Variants in FBXL17 observed in about 807,000 individuals in gnomAD.
FBXL17 encodes F-box and leucine rich repeat protein 17.
Under a neutral mutation model 66.2 loss-of-function variants are expected in FBXL17, and 22 were observed. The observed-to-expected ratio is 0.33, with a 90% CI of 0.24 to 0.47. The LOEUF is 0.47. Among genes scored for constraint, FBXL17 ranks in the 20% least tolerant of loss-of-function variants. FBXL17 has a pLI of 1.00. For synonymous variants in FBXL17, 474 were observed against 400.5 expected (o/e 1.18, Z -2.19); for missense variants, 878 against 948.2 (o/e 0.93, Z 0.97).
intron 6 of FBXL17, among the ~76,000 whole-genome samples, chr5:108,105,398 C>T (rs978742113): frequency 5.9e-5 from 9 of 152,134 alleles, no homozygotes; most frequent in Non-Finnish European, 1.0e-4. Context: ...GGCAAAACTG[C>T]GGCAGAAAAG....
intron 6 of FBXL17, among the ~76,000 whole-genome samples, chr5:108,155,243 G>T (rs554436208): frequency 6.6e-6 from 1 of 152,092 alleles, no homozygotes; most frequent in Non-Finnish European, 1.5e-5. Flanking sequence ...TAGGCTGGGC[G>T]CGGTGCCTCA....
intron 3 of FBXL17, among the ~76,000 whole-genome samples, chr5:108,351,561 T>C (rs934914648): frequency 6.6e-6 from 1 of 152,216 alleles, no homozygotes; most frequent in African/African-American, 2.4e-5. Context: ...GCCACTCTGC[T>C]GGTCAGCCTA....
At chr5:108,347,890 G>A (rs1324951703) in intron 4 of FBXL17, among the ~76,000 whole-genome samples, 1 of 152,052 alleles carries the variant, frequency 6.6e-6, no homozygotes, top group East Asian at 1.9e-4. Context: ...AAATGTGTCT[G>A]CATTACCCAT....
At chr5:108,344,082 A>G (rs1747083195) in intron 4 of FBXL17, among the ~76,000 whole-genome samples, 2 of 152,208 alleles carry the variant, frequency 1.3e-5, no homozygotes, top group South Asian at 4.1e-4. Context: ...AAGTCACATG[A>G]GTAAGAAACA....
At chr5:108,028,359 G>A (rs73206544) in intron 6 of FBXL17, among the ~76,000 whole-genome samples, 2,687 of 152,174 alleles carry the variant, frequency 0.018, 95 homozygotes, top group African/African-American at 0.061. Flanking sequence ...TCTCTGCCCA[G>A]CCTGTTCCCT....
intron 4 of FBXL17, among the ~76,000 whole-genome samples, chr5:108,240,011 C>T (rs948776227): frequency 5.3e-5 from 8 of 152,042 alleles, no homozygotes; most frequent in Non-Finnish European, 1.0e-4. Flanking sequence ...AAGGATTCAT[C>T]ATCTGCTGAC....
chr5:108,102,532 C>A (rs879426011), intron 6 of FBXL17, among the ~76,000 whole-genome samples: 3 of 152,108 alleles, frequency 2.0e-5, no homozygotes, highest in Admixed American at 2.0e-4. Context: ...ATAATGCCTA[C>A]ATTATTGCAT....
chr5:108,062,545 A>G (rs1747963538), intron 6 of FBXL17, among the ~76,000 whole-genome samples: 1 of 152,146 alleles, frequency 6.6e-6, no homozygotes, highest in South Asian at 2.1e-4. Context: ...AATAATCACC[A>G]ACAATTGTAG....
At chr5:108,132,214 A>G (rs286803) in intron 6 of FBXL17, among the ~76,000 whole-genome samples, 102,438 of 152,024 alleles carry the variant, frequency 0.67, 35,557 homozygotes, top group East Asian at 0.92. Flanking sequence ...GACCTCAGGT[A>G]ATCCGCCCGC....
chr5:108,012,495 C>T (rs1475561720), intron 7 of FBXL17, among the ~76,000 whole-genome samples: 1 of 152,004 alleles, frequency 6.6e-6, no homozygotes, highest in Non-Finnish European at 1.5e-5. Flanking sequence ...TGCAGATTAA[C>T]AAATATGGCT....
intron 6 of FBXL17, among the ~76,000 whole-genome samples, chr5:108,144,257 G>A (rs1035249278): frequency 6.6e-6 from 1 of 152,124 alleles, no homozygotes; most frequent in Non-Finnish European, 1.5e-5. Flanking sequence ...TGCTATTAGG[G>A]AAAGTGATTC....
At chr5:108,096,185 C>T (rs993976554) in intron 6 of FBXL17, among the ~76,000 whole-genome samples, 2 of 152,284 alleles carry the variant, frequency 1.3e-5, no homozygotes, top group Middle Eastern at 3.4e-3. Context: ...TGCATATGTA[C>T]TGAAGTGGCA....
chr5:108,150,559 C>A lies in FBXL17; in HGVS notation c.1745+35558G>T, dbSNP rs150837435. Among the ~76,000 whole-genome samples, 324 of 152,298 alleles carry A rather than the reference C, an allele frequency of 2.1e-3. 4 individuals are homozygous for A. The highest frequency in any genetic ancestry group is 0.02 in the Admixed American group (309 of 15,300). On this transcript the variant is annotated intron_variant, in intron 6 of 8. Transcript: ENST00000542267. ...ATCCAAGATGCAACAAGGGATCATG[C>A]AATGCATTTAATTGTCATTCTCCTT...
chr5:107,979,450 C>T (rs920107248), intron 7 of FBXL17, among the ~76,000 whole-genome samples: 5 of 152,134 alleles, frequency 3.3e-5, no homozygotes, highest in African/African-American at 1.2e-4. Flanking sequence ...CCATTAGTGC[C>T]AGTAATTATT....
At chr5:107,886,886 C>A (rs1748987430) in intron 7 of FBXL17, among the ~76,000 whole-genome samples, 1 of 148,850 alleles carries the variant, frequency 6.7e-6, no homozygotes, top group African/African-American at 2.5e-5. Context: ...TTCACTAGTC[C>A]TCATCAAAAG....
chr5:108,182,409 T>A (rs907084616), intron 6 of FBXL17, among the ~76,000 whole-genome samples: 1 of 152,186 alleles, frequency 6.6e-6, no homozygotes, highest in African/African-American at 2.4e-5. Context: ...CTTAGTAATA[T>A]GGCATGGCAA....
intron 6 of FBXL17, among the ~76,000 whole-genome samples, chr5:108,127,823 C>T (rs541687574): frequency 5.3e-5 from 8 of 152,270 alleles, no homozygotes; most frequent in African/African-American, 1.9e-4. Flanking sequence ...TTTTAATATG[C>T]TATGTATAAA....
intron 7 of FBXL17, among the ~76,000 whole-genome samples, chr5:107,943,221 G>A (rs993563654): frequency 1.3e-5 from 2 of 152,082 alleles, no homozygotes; most frequent in Admixed American, 1.3e-4. Flanking sequence ...AGAGACATAA[G>A]TGCAATAAAC....
intron 4 of FBXL17, among the ~76,000 whole-genome samples, chr5:108,285,340 T>C (rs1049781885): frequency 3.3e-5 from 5 of 151,950 alleles, no homozygotes; most frequent in African/African-American, 9.7e-5. Context: ...ATGTTCTTAA[T>C]GGCATCTAGA....
Sources: gnomAD v4.1 joint callset for allele counts (sites outside exome capture counted in the v4.1 genomes callset) on GRCh38, gnomAD v4.1.1 for gene constraint, MANE v1.5 for transcripts, NCBI Gene and HGNC (gene_info 2026-07-23, HGNC 2026-07-21) for gene names.